PCLO: variants seen among roughly 807,000 people sequenced by gnomAD.
The protein encoded by PCLO is protein piccolo.
A neutral mutation model predicts 427.5 loss-of-function variants in PCLO; 82 were observed. That is an observed-to-expected ratio of 0.19 (90% CI 0.16 to 0.23). The LOEUF is 0.23. Among genes scored for constraint, PCLO ranks in the 10% least tolerant of loss-of-function variants. PCLO has a pLI of 1.00. For synonymous variants in PCLO, 2,357 were observed against 2,155.4 expected, an observed-to-expected ratio of 1.09 and a Z score of -2.59; for missense variants, 6,239 against 6,115.9, an observed-to-expected ratio of 1.02 and a Z score of -0.67.
chr7:82,811,638 G>GT (rs1472733039), intron 20 of PCLO, among the ~76,000 whole-genome samples: 2 of 151,468 alleles, frequency 1.3e-5, no homozygotes, highest in Non-Finnish European at 3.0e-5. Flanking sequence ...CATCTTAAAA[G>GT]TAATTTAGAA....
intron 6 of PCLO, among the ~76,000 whole-genome samples, chr7:82,928,671 G>A (rs1275411103): frequency 6.6e-6 from 1 of 152,072 alleles, no homozygotes; most frequent in African/African-American, 2.4e-5. Context: ...CACCGCGCCT[G>A]GCCTGAAAGA....
intron 22 of PCLO, among the ~76,000 whole-genome samples, chr7:82,782,986 GA>G (rs1317616691): frequency 6.6e-6 from 1 of 152,136 alleles, no homozygotes; most frequent in African/African-American, 2.4e-5. Flanking sequence ...ACCCACATAG[GA>G]AAAACCAGAG....
At chr7:82,849,493 A>C (rs138432728) in intron 10 of PCLO, among the ~76,000 whole-genome samples, 2,432 of 152,248 alleles carry the variant, frequency 0.016, 26 homozygotes, top group Non-Finnish European at 0.023. Context: ...CATAGGGAAG[A>C]TGACCACTGA....
Position 83,032,410 on chromosome 7 carries a change from CTCCTTCCCT to C in PCLO, c.3301-65932_3301-65924del, listed in dbSNP as rs764939046. Among the ~76,000 whole-genome samples, 1,369 of 150,100 alleles carry C rather than the reference CTCCTTCCCT, an allele frequency of 9.1e-3. 9 individuals carry two copies. The highest frequency in any genetic ancestry group is 0.024 in the Middle Eastern group (7 of 286). Reference sequence around the variant, plus strand: ...CTCACTCCCCTCACTCCCTCCCTCCCTCCTTCCCTTCCTTCCCTTCCTTCCCTTCCCTCC... The same window carrying C: ...CTCACTCCCCTCACTCCCTCCCTCCCTCCTTCCCTTCCTTCCCTTCCCTCC... On this transcript the variant is annotated intron_variant, in intron 3 of 24. Transcript: ENST00000333891.
At chr7:82,844,185 T>C (rs961800594) in intron 13 of PCLO, among the ~76,000 whole-genome samples, 21 of 152,180 alleles carry the variant, frequency 1.4e-4, no homozygotes, top group African/African-American at 4.6e-4. Flanking sequence ...GTTGGTATTT[T>C]AGTTGGCTAG....
At chr7:82,962,585 ATAGTT>A (rs1203270022) in intron 4 of PCLO, among the ~76,000 whole-genome samples, 1 of 152,032 alleles carries the variant, frequency 6.6e-6, no homozygotes. Context: ...TAATAATAAA[ATAGTT>A]TAAGAATTAC....
intron 3 of PCLO, among the ~76,000 whole-genome samples, chr7:83,051,043 A>G (rs557344026): frequency 6.6e-6 from 1 of 152,296 alleles, no homozygotes; most frequent in Non-Finnish European, 1.5e-5. Flanking sequence ...TCAGCAAATT[A>G]GGAATAGAGG....
intron 3 of PCLO, among the ~76,000 whole-genome samples, chr7:83,093,492 A>ATATATATATTTTTTTTTTTTTT: frequency 2.5e-4 from 15 of 59,304 alleles, no homozygotes; most frequent in East Asian, 2.2e-3. Flanking sequence ...ATATATATAT[A>ATATATATATTTTTTTTTTTTTT]TTTTTTTTTT....
intron 22 of PCLO, among the ~76,000 whole-genome samples, chr7:82,794,459 C>CTTGTTTTTTTTTTTTTTTTTT (rs1791179475): frequency 1.8e-5 from 1 of 56,350 alleles, no homozygotes; most frequent in Non-Finnish European, 4.1e-5. Flanking sequence ...AATTTTTTTT[C>CTTGTTTTTTTTTTTTTTTTTT]TTTTTTTTTT....
intron 3 of PCLO, among the ~76,000 whole-genome samples, chr7:83,055,111 G>A (rs569933317): frequency 6.6e-6 from 1 of 152,136 alleles, no homozygotes; most frequent in South Asian, 2.1e-4. Context: ...GAAACAGCAC[G>A]TTTTTGCTAA....
intron 3 of PCLO, among the ~76,000 whole-genome samples, chr7:83,123,774 A>G (rs1791346535): frequency 6.6e-6 from 1 of 151,730 alleles, no homozygotes; most frequent in African/African-American, 2.4e-5. Flanking sequence ...AAATCCATAG[A>G]AAAAAATCTA....
Position 82,965,858 on chromosome 7 carries a change from A to G in PCLO, c.3930T>C (p.Asp1310=), listed in dbSNP as rs747386144. The G allele has an allele frequency of 5.6e-6, 9 of 1,613,804 alleles. No homozygotes were observed. The highest frequency in any genetic ancestry group is 1.1e-5 in the South Asian group (1 of 91,076). The change falls in exon 4 of 25, where the codon GAT becomes GAC. Residue 1310 remains aspartate (D), a synonymous_variant. Transcript: ENST00000333891. ...CTTTTATTGTTTTGGTTGTCTTATC[A>G]TCTTCTTTAGGTAAACTCTGAGGTG... The part of the protein sequence containing the change: ...SGTPQSLPKE[D]DKTTKTIKEQ...
In PCLO at chr7:82,758,699, T is replaced by A. The variant is rs760315969; in HGVS notation, c.15305A>T (p.Asn5102Ile). The change falls in exon 25 of 25, where the codon AAT (asparagine) becomes ATT (isoleucine). Residue 5102 changes from asparagine to isoleucine, a missense_variant. Transcript: ENST00000333891. ...GHSLQILLFS[N>I]GGKFMKKTLI... is the part of the protein sequence containing the mutation. Reference sequence around the variant, plus strand: ...GGTCTTTTTCATAAACTTCCCTCCATTGGAGAAAAGTAAAATCTAGAAAAA... The same window carrying A: ...GGTCTTTTTCATAAACTTCCCTCCAATGGAGAAAAGTAAAATCTAGAAAAA... 1.9e-6 allele frequency: 3 copies of A among 1,599,016 alleles called. No individual in the cohort carries two copies. The highest frequency in any genetic ancestry group is 1.7e-5 in the Admixed American group (1 of 59,130).
intron 6 of PCLO, among the ~76,000 whole-genome samples, chr7:82,945,442 A>T (rs1486988781): frequency 1.3e-5 from 2 of 152,230 alleles, no homozygotes; most frequent in Non-Finnish European, 2.9e-5. Context: ...TGATATCTCA[A>T]AATGTGAACC....
chr7:83,149,012 C>A lies in PCLO; in HGVS notation c.1893+5736G>T, dbSNP rs1197049357. ...TCTATTTGTTTTCTTTTTTGCAATA[C>A]CCCATTGTGGGAGAGAAGCATCACC... On this transcript the variant is annotated intron_variant, in intron 2 of 24. Coordinates refer to ENST00000333891, the MANE Select transcript of PCLO (RefSeq NM_033026.6). 2.0e-5 allele frequency among the ~76,000 whole-genome samples: 3 copies of A among 152,190 alleles called. 1 individual carries two copies. In the East Asian group the frequency reaches 5.8e-4, roughly 29 times the overall value.
In PCLO at chr7:82,950,674, T is replaced by C; in HGVS notation, c.9914A>G (p.Gln3305Arg). The stretch of plus-strand genomic sequence containing the variant: ...CCGAATCTTTTGCTCCTCCAGCTGC[T>C]GGTGAAGCTGTTGTTGCAGCTGTTG... ...QIQQLQQQLH[Q>R]QLEEQKIRQI... Residue 3305 changes from glutamine to arginine, a missense_variant, in exon 6 of 25, where the codon CAG (glutamine) becomes CGG (arginine). Physicochemically the swap from Gln to Arg is conservative, Grantham distance 43 (BLOSUM62 1). Around this residue, in one of 5 missense-constraint regions of PCLO, gnomAD observed 4,677 missense variants for 4,468.4 expected, o/e 1.05. Coordinates refer to ENST00000333891, the MANE Select transcript of PCLO (RefSeq NM_033026.6). 1 of 1,613,668 alleles carries C rather than the reference T, an allele frequency of 6.2e-7. No individual in the cohort carries two copies. Among genetic ancestry groups the C allele is most frequent in the Non-Finnish European group, 8.5e-7 (1 of 1,179,676 alleles).
intron 20 of PCLO, chr7:82,821,169 G>T: frequency 1.0e-6 from 1 of 1,001,486 alleles, no homozygotes; most frequent in Admixed American, 6.0e-5. Flanking sequence ...AGCTGGCTTT[G>T]GTCTTGGTTG....
At chr7:82,999,928 G>A (rs1299456818) in intron 3 of PCLO, among the ~76,000 whole-genome samples, 1 of 133,738 alleles carries the variant, frequency 7.5e-6, no homozygotes, top group Non-Finnish European at 1.6e-5. Flanking sequence ...AAGAGAGAAA[G>A]AAACAGAAGA....
chr7:82,816,040 T>C (rs1791672268), intron 20 of PCLO, among the ~76,000 whole-genome samples: 1 of 152,100 alleles, frequency 6.6e-6, no homozygotes, highest in Non-Finnish European at 1.5e-5. Context: ...TCATTATATA[T>C]TTACATGTAC....
Sources: allele counts gnomAD v4.1 joint callset (sites outside exome capture counted in the v4.1 genomes callset), GRCh38; gene constraint gnomAD v4.1.1; regional missense constraint gnomAD v4.1.1; transcripts MANE v1.5; gene names NCBI Gene and HGNC (gene_info 2026-07-23, HGNC 2026-07-21).